The following TRDN variants were observed in gnomAD, a reference collection of about 807,000 sequenced individuals.
TRDN encodes the protein triadin in skeletal muscle.
In TRDN, 161 loss-of-function variants were observed where a neutral mutation model predicts 149.7. The ratio of observed to expected loss-of-function variants is 1.08; its 90% CI spans 0.95 to 1.23. The LOEUF is 1.23. Among genes scored for constraint, TRDN ranks in the 50% most tolerant of loss-of-function variants. The pLI is 0.00. For synonymous variants in TRDN, 294 were observed against 250.5 expected, an observed-to-expected ratio of 1.17 and a Z score of -1.64; for missense variants, 896 against 823.5, an observed-to-expected ratio of 1.09 and a Z score of -1.08.
intron 38 of TRDN, among the ~76,000 whole-genome samples, chr6:123,225,133 G>C (rs968957173): frequency 6.6e-6 from 1 of 151,138 alleles, no homozygotes. Flanking sequence ...CACGTGGAAA[G>C]ATGCCTTATA....
intron 38 of TRDN, among the ~76,000 whole-genome samples, chr6:123,248,686 A>G (rs563092710): frequency 4.6e-5 from 7 of 152,278 alleles, no homozygotes; most frequent in African/African-American, 1.7e-4. Flanking sequence ...AAGAAATAGG[A>G]CCTGAACAGA....
At chr6:123,362,048 T>C (rs1184172448) in intron 20 of TRDN, among the ~76,000 whole-genome samples, 2 of 152,320 alleles carry the variant, frequency 1.3e-5, no homozygotes, top group Admixed American at 1.3e-4. Context: ...CCAAAGTCTT[T>C]AGCTTTTCTT....
chr6:123,249,936 A>G (rs1204909339), intron 38 of TRDN, among the ~76,000 whole-genome samples: 4 of 152,160 alleles, frequency 2.6e-5, no homozygotes, highest in African/African-American at 7.2e-5. Flanking sequence ...ATACGATCTT[A>G]TATCTAGAAA....
intron 10 of TRDN, among the ~76,000 whole-genome samples, chr6:123,452,947 G>A (rs1055406878): frequency 5.9e-5 from 9 of 151,766 alleles, no homozygotes; most frequent in South Asian, 2.1e-4. Context: ...AAATAAACCC[G>A]AATACTTACA....
At chr6:123,474,500 A>G (rs1239687129) in intron 9 of TRDN, among the ~76,000 whole-genome samples, 1 of 152,114 alleles carries the variant, frequency 6.6e-6, no homozygotes, top group East Asian at 1.9e-4. Flanking sequence ...CCCCACTGTC[A>G]ACATTAGACA....
intron 40 of TRDN, among the ~76,000 whole-genome samples, chr6:123,220,427 T>C (rs1007366775): frequency 2.0e-5 from 3 of 151,862 alleles, no homozygotes; most frequent in African/African-American, 7.2e-5. Flanking sequence ...GGTTAATAAT[T>C]GGGAAAGCGT....
intron 35 of TRDN, among the ~76,000 whole-genome samples, chr6:123,258,800 C>G (rs1331083926): frequency 6.6e-6 from 1 of 152,062 alleles, no homozygotes; most frequent in Non-Finnish European, 1.5e-5. Flanking sequence ...CTATTAATTA[C>G]TGCCTCAATT....
chr6:123,545,277 A>G (rs576536839), intron 4 of TRDN, among the ~76,000 whole-genome samples: 10 of 152,028 alleles, frequency 6.6e-5, no homozygotes, highest in African/African-American at 1.9e-4. Flanking sequence ...CATGAGTAAA[A>G]TAACTTATAA....
At chr6:123,263,975 ATAT>A (rs377165869) in intron 33 of TRDN, among the ~76,000 whole-genome samples, 39 of 152,128 alleles carry the variant, frequency 2.6e-4, no homozygotes, top group African/African-American at 9.1e-4. Context: ...CTCCTTTCAA[ATAT>A]TATGGCTCAT....
At chr6:123,255,838 T>G in intron 36 of TRDN, 29 bp downstream of exon 36, 1 of 1,313,070 alleles carries the variant, frequency 7.6e-7, no homozygotes, top group South Asian at 1.8e-5. Context: ...GGGCTTTGCA[T>G]TCTATTTTTT....
chr6:123,256,131 T>A (rs533178472), intron 35 of TRDN, among the ~76,000 whole-genome samples: 112 of 152,178 alleles, frequency 7.4e-4, no homozygotes, highest in Non-Finnish European at 1.2e-3. Context: ...GATGTTCCCA[T>A]CCCTGTGCCC....
At chr6:123,487,937 T>G (rs918114104) in intron 9 of TRDN, among the ~76,000 whole-genome samples, 1 of 152,156 alleles carries the variant, frequency 6.6e-6, no homozygotes, top group Non-Finnish European at 1.5e-5. Context: ...AGAGTTCGTA[T>G]TATACAATCT....
intron 1 of TRDN, among the ~76,000 whole-genome samples, chr6:123,602,154 TAA>T (rs1784310189): frequency 6.6e-6 from 1 of 152,056 alleles, no homozygotes; most frequent in Non-Finnish European, 1.5e-5. Context: ...TTTTAAAAAA[TAA>T]GTTTGAATAA....
intron 31 of TRDN, among the ~76,000 whole-genome samples, chr6:123,269,573 T>C (rs1250001114): frequency 1.3e-5 from 2 of 151,962 alleles, no homozygotes; most frequent in East Asian, 3.9e-4. Flanking sequence ...ATTTCTTTTG[T>C]ATAGTTATAA....
chr6:123,412,846 G>A (rs1340489614), intron 12 of TRDN, among the ~76,000 whole-genome samples: 1 of 151,980 alleles, frequency 6.6e-6, no homozygotes, highest in East Asian at 1.9e-4. Flanking sequence ...CTCATCATGT[G>A]ATAAAATCAT....
At chr6:123,385,691 A>G (rs983965701) in intron 14 of TRDN, among the ~76,000 whole-genome samples, 1 of 152,200 alleles carries the variant, frequency 6.6e-6, no homozygotes, top group African/African-American at 2.4e-5. Flanking sequence ...CTCTATTTAT[A>G]GTAAAAAATA....
intron 12 of TRDN, among the ~76,000 whole-genome samples, chr6:123,400,684 A>G (rs946529595): frequency 1.3e-5 from 2 of 152,142 alleles, no homozygotes; most frequent in African/African-American, 4.8e-5. Context: ...CATATAAGGT[A>G]GAGAGAGTGC....
chr6:123,534,279 A>G (rs1780409831), intron 4 of TRDN, among the ~76,000 whole-genome samples: 1 of 152,204 alleles, frequency 6.6e-6, no homozygotes, highest in African/African-American at 2.4e-5. Flanking sequence ...AGACATACAC[A>G]CACCTACATT....
At chr6:123,472,917 G>A (rs1438175048) in intron 9 of TRDN, among the ~76,000 whole-genome samples, 1 of 151,910 alleles carries the variant, frequency 6.6e-6, no homozygotes, top group African/African-American at 2.4e-5. Context: ...CAAACAGAAA[G>A]GACATCCACA....
Sources: gnomAD v4.1 joint callset for allele counts (sites outside exome capture counted in the v4.1 genomes callset) on GRCh38, gnomAD v4.1.1 for gene constraint, MANE v1.5 for transcripts, NCBI Gene and HGNC (gene_info 2026-07-23, HGNC 2026-07-21) for gene names.